The following LRRC9 variants were observed in gnomAD, a reference collection of about 807,000 sequenced individuals.
LRRC9 encodes the protein leucine rich repeat containing 9.
Under a neutral mutation model 63.2 loss-of-function variants are expected in LRRC9, and 122 were observed. That is an observed-to-expected ratio of 1.93 (90% confidence interval 1.67 to 2.24). The LOEUF is 2.24. LRRC9 is among the 30% of genes most tolerant of loss of function. The pLI, the probability that LRRC9 is intolerant of heterozygous loss-of-function variation, is 0.00. For synonymous variants in LRRC9, 366 were observed against 213.1 expected (o/e 1.72, Z -6.25); for missense variants, 1,071 against 627.7 (o/e 1.71, Z -7.55).
chr14:60,043,076 C>T (rs1878407075), intron 29 of LRRC9, among the ~76,000 whole-genome samples: 1 of 152,032 alleles, frequency 6.6e-6, no homozygotes, highest in African/African-American at 2.4e-5. Flanking sequence ...GGATTGCCTT[C>T]TTGATTTCTT....
chr14:59,971,398 G>C lies in LRRC9; in HGVS notation c.1507-3178G>C, dbSNP rs886886870. On this transcript the variant is annotated intron_variant, in intron 12 of 31. Coordinates refer to ENST00000445360, the Ensembl canonical transcript of LRRC9. Reference sequence around the variant, plus strand: ...AGCATTATTCTTTTCGCATAGGATTGGCTTGGCTATTTGGGCTCTCTTTTG... The same window carrying C: ...AGCATTATTCTTTTCGCATAGGATTCGCTTGGCTATTTGGGCTCTCTTTTG... Among the ~76,000 whole-genome samples the C allele has an allele frequency of 2.0e-5, 3 of 152,132 alleles. No individual in the cohort carries two copies. The East Asian group carries it at 5.8e-4, about 29-fold the overall frequency.
exon 5 of LRRC9, chr14:59,931,645 A>G (rs1207276028): frequency 5.7e-6 from 4 of 699,298 alleles, no homozygotes; most frequent in Non-Finnish European, 1.0e-5. Flanking sequence ...AGAATTTAAA[A>G]GATCTCAACC....
chr14:59,975,100 TAC>T (rs1192010900), intron 13 of LRRC9, among the ~76,000 whole-genome samples: 53,357 of 78,618 alleles, frequency 0.68, 22,658 homozygotes, highest in Non-Finnish European at 0.83. Flanking sequence ...TATATATATA[TAC>T]ATATATATAT....
chr14:59,996,200 T>C (rs1018089260), intron 17 of LRRC9, among the ~76,000 whole-genome samples: 1 of 148,744 alleles, frequency 6.7e-6, no homozygotes, highest in African/African-American at 2.5e-5. Context: ...CTTAAAGGTG[T>C]TTTTTTTTTC....
At chr14:60,052,827 C>A (rs95427) in intron 29 of LRRC9, among the ~76,000 whole-genome samples, 113,666 of 152,054 alleles carry the variant, frequency 0.75, 44,575 homozygotes, top group Non-Finnish European at 0.87. Context: ...AGTTAGTGAA[C>A]AATACTGTTA....
At position 59,975,089 on chromosome 14, in the gene LRRC9, G is replaced by GTA. The variant is rs1316412467; in HGVS notation, c.1639+392_1639+393dup. On this transcript the variant is annotated intron_variant, in intron 13 of 31. Transcript: ENST00000445360. ...CTATGTGTGTGTGTGTGTGTGTAGT[G>GTA]TATATATATATACATATATATATGT... 1.6e-3 allele frequency among the ~76,000 whole-genome samples: 53 copies of GTA among 33,196 alleles called. 2 individuals carry two copies. Among genetic ancestry groups the GTA allele is most frequent in the African/African-American group, 3.2e-3 (50 of 15,540 alleles). 21.8% of individuals were successfully genotyped at this position (33,196 alleles called of 152,430 possible).
At chr14:60,026,113 G>A (rs1891529302) in intron 27 of LRRC9, among the ~76,000 whole-genome samples, 1 of 152,020 alleles carries the variant, frequency 6.6e-6, no homozygotes, top group Non-Finnish European at 1.5e-5. Context: ...TGGACCACAA[G>A]TCAGGACTAG....
At chr14:59,995,509 G>A (rs1222854451) in intron 17 of LRRC9, among the ~76,000 whole-genome samples, 1 of 152,134 alleles carries the variant, frequency 6.6e-6, no homozygotes, top group South Asian at 2.1e-4. Flanking sequence ...AAATTTAAGA[G>A]GTGTTTTGAG....
rs961067482 is a variant in LRRC9 at position 60,051,597 on chromosome 14, G to A, written c.3991-1468G>A. On this transcript the variant is annotated intron_variant, in intron 29 of 31. Transcript: ENST00000445360. The surrounding 1 kb of genome is among the most constrained non-coding windows in gnomAD (Gnocchi z 4.7). ...TGGCTGGCTGGAATTCTAAGCCAGT[G>A]GGTCTTAACTTATGAGGTGCCATGA... is the stretch of plus-strand genomic sequence containing the variant. Among the ~76,000 whole-genome samples the A allele has an allele frequency of 6.6e-6, 1 of 152,158 alleles. No homozygotes were observed. The highest frequency in any genetic ancestry group is 2.4e-5 in the African/African-American group (1 of 41,448).
At chr14:60,015,628 A>G (rs1402987270) in intron 23 of LRRC9, among the ~76,000 whole-genome samples, 1 of 152,156 alleles carries the variant, frequency 6.6e-6, no homozygotes, top group Non-Finnish European at 1.5e-5. Flanking sequence ...ACTATTACCC[A>G]GAACCCTTCA....
rs1203375113 is a variant in LRRC9 at position 59,927,796 on chromosome 14, T to C, written c.-33-115T>C. On this transcript the variant is annotated intron_variant, in intron 1 of 31. Transcript: ENST00000445360. This position sits in a 1 kb window ranked among gnomAD's most constrained non-coding sequence, Gnocchi z 4.4. ...TATACAGATACTTGGTAATATACTA[T>C]GTGAAGATTTCAAACTACAGTTGGG... The C allele has an allele frequency of 8.2e-6, 4 of 485,636 alleles. No homozygotes were observed. In the Admixed American group the frequency reaches 1.2e-4, roughly 14 times the overall value. The allele number at this position is 485,636 out of a possible 1,614,324, so 30.1% of individuals were successfully genotyped here. A position where few individuals can be genotyped will look rare whatever the true frequency, so the allele number is the denominator to read the frequency against.
At chr14:60,054,119 C>A (rs1403392257) in intron 30 of LRRC9, 3 of 298,034 alleles carry the variant, frequency 1.0e-5, no homozygotes, top group African/African-American at 6.7e-5. Flanking sequence ...ACCATACATA[C>A]TCTCCTAACA....
At chr14:59,974,517 T>C in intron 12 of LRRC9, 59 bp from the exon 13 acceptor site, 3 of 535,482 alleles carry the variant, frequency 5.6e-6, no homozygotes, top group Admixed American at 3.5e-5. Flanking sequence ...ACCCTCTGTA[T>C]TGAAGTTGAA....
chr14:60,041,351 C>T (rs1400847986), intron 29 of LRRC9, among the ~76,000 whole-genome samples: 2 of 152,166 alleles, frequency 1.3e-5, no homozygotes, highest in Non-Finnish European at 2.9e-5. Context: ...TCCTGAAGAG[C>T]ATTTTCCAAC....
At chr14:59,924,026 C>T (rs551300550) in intron 1 of LRRC9, among the ~76,000 whole-genome samples, 66 of 152,232 alleles carry the variant, frequency 4.3e-4, no homozygotes, top group African/African-American at 1.5e-3. Flanking sequence ...CTAGAAAGTC[C>T]AAAATTAGGC....
Position 59,966,034 on chromosome 14 carries a change from G to A in LRRC9, c.1212-555G>A, listed in dbSNP as rs1463380323. On this transcript the variant is annotated intron_variant, in intron 10 of 31. Coordinates refer to ENST00000445360, the Ensembl canonical transcript of LRRC9. The surrounding 1 kb of genome is among the most constrained non-coding windows in gnomAD (Gnocchi z 4.0). The stretch of plus-strand genomic sequence containing the variant: ...AAATACTCAGAGGAGCAGGTTTGGG[G>A]TGCAGTGTTAGTTATGTTAGGTTGG... 1.3e-5 allele frequency among the ~76,000 whole-genome samples: 2 copies of A among 151,936 alleles called. No individual in the cohort carries two copies. The highest frequency in any genetic ancestry group is 2.9e-5 in the Non-Finnish European group (2 of 68,002).
intron 29 of LRRC9, among the ~76,000 whole-genome samples, chr14:60,041,425 T>A (rs763774512): frequency 2.0e-5 from 3 of 152,238 alleles, no homozygotes; most frequent in Non-Finnish European, 4.4e-5. Context: ...TCTTTTCACA[T>A]AGTCCCATAT....
At chr14:59,991,959 G>C (rs10141210) in intron 17 of LRRC9, among the ~76,000 whole-genome samples, 4,119 of 152,258 alleles carry the variant, frequency 0.027, 188 homozygotes, top group African/African-American at 0.094. Context: ...GCTTTGAAGA[G>C]AGTAGTGGTT....
chr14:60,054,348 A>C (rs1894116513), intron 30 of LRRC9, among the ~76,000 whole-genome samples: 1 of 152,178 alleles, frequency 6.6e-6, no homozygotes, highest in Non-Finnish European at 1.5e-5. Flanking sequence ...TTGTCTATGA[A>C]AACCAAATGG....
Sources: gnomAD v4.1 joint callset for allele counts (sites outside exome capture counted in the v4.1 genomes callset) on GRCh38, gnomAD v4.1.1 for gene constraint, Gnocchi (gnomAD v3.1) non-coding constraint, MANE v1.5 for transcripts, NCBI Gene and HGNC (gene_info 2026-07-23, HGNC 2026-07-21) for gene names.